The following MCTP1 variants were observed in gnomAD, a reference collection of about 807,000 sequenced individuals.
MCTP1 encodes multiple C2 and transmembrane domain-containing protein 1.
MCTP1 carries 69 observed loss-of-function variants against 120.6 expected under a neutral mutation model. That is an observed-to-expected ratio of 0.57 (90% CI 0.47 to 0.70). MCTP1 has a LOEUF of 0.70. Ranked by LOEUF, MCTP1 falls within the 30% of genes least tolerant of loss-of-function variation. The probability of loss-of-function intolerance (pLI) is 0.00; values close to 1 mark genes in which losing one functional copy is unlikely to be tolerated. For synonymous variants in MCTP1, 529 were observed against 493.1 expected, an observed-to-expected ratio of 1.07 and a Z score of -0.96; for missense variants, 1,203 against 1,248.8, an observed-to-expected ratio of 0.96 and a Z score of 0.55.
intron 1 of MCTP1, among the ~76,000 whole-genome samples, chr5:95,032,853 G>T (rs1014538174): frequency 6.6e-6 from 1 of 151,748 alleles, no homozygotes; most frequent in African/African-American, 2.4e-5. Context: ...GATTAACCAA[G>T]AAAAAAAGAG....
chr5:95,010,668 C>G (rs1390332594), intron 2 of MCTP1, among the ~76,000 whole-genome samples: 1 of 152,166 alleles, frequency 6.6e-6, no homozygotes, highest in African/African-American at 2.4e-5. Flanking sequence ...ATTTTAAACA[C>G]TTCTGGATGT....
rs529826744 is a variant in MCTP1 at position 94,738,755 on chromosome 5, T to A, written c.2611-23869A>T. On this transcript the variant is annotated intron_variant, in intron 19 of 22. Coordinates refer to ENST00000515393, the MANE Select transcript of MCTP1 (RefSeq NM_024717.7). ...TCTGTGGGCTAGCAGATGGCTTCTG[T>A]AATGTGAAAAACACCTTGAGGACGG... Among the ~76,000 whole-genome samples the A allele has an allele frequency of 5.9e-5, 9 of 152,338 alleles. No individual in the cohort carries two copies. The East Asian group carries it at 1.7e-3, about 29-fold the overall frequency.
intron 19 of MCTP1, among the ~76,000 whole-genome samples, chr5:94,744,094 C>T (rs1000339901): frequency 3.9e-5 from 6 of 152,038 alleles, no homozygotes; most frequent in Admixed American, 2.0e-4. Context: ...CCTCAGCTTC[C>T]GGAGTAGCTG....
At chr5:94,834,521 T>C (rs1359405575) in intron 17 of MCTP1, among the ~76,000 whole-genome samples, 2 of 152,222 alleles carry the variant, frequency 1.3e-5, no homozygotes, top group African/African-American at 4.8e-5. Flanking sequence ...GGCTTTGAGA[T>C]ACTAAGACTT....
At chr5:94,839,428 A>G (rs1305686617) in intron 17 of MCTP1, among the ~76,000 whole-genome samples, 49 of 152,172 alleles carry the variant, frequency 3.2e-4, no homozygotes, top group Admixed American at 2.9e-3. Context: ...GGAATACTAA[A>G]AAACTCCAGG....
rs965724277 is a variant in MCTP1, at chr5:94,917,963, C to T, written c.1283G>A (p.Arg428Lys). ...GAAGCCCAGGACAGGAAGAGCTGGC[C>T]TGCCGCACGTCTGGATGGAAATGAA... is the stretch of plus-strand genomic sequence containing the variant. ...VKSLFWRTCG[R>K]PALPVLGFCR... is the part of the protein sequence containing the mutation. Residue 428 changes from arginine to lysine, a missense_variant, in exon 8 of 23, where the codon AGG (arginine) becomes AAG (lysine). Physicochemically the swap from Arg to Lys is conservative, Grantham distance 26. Around this residue, in one of 2 missense-constraint regions of MCTP1, gnomAD observed 740 missense variants for 871.1 expected, o/e 0.85. Coordinates refer to ENST00000515393, the MANE Select transcript of MCTP1 (RefSeq NM_024717.7). The T allele has an allele frequency of 9.9e-6, 16 of 1,613,914 alleles. No individual in the cohort carries two copies. Among genetic ancestry groups the T allele is most frequent in the Non-Finnish European group, 1.4e-5 (16 of 1,179,812 alleles).
intron 2 of MCTP1, among the ~76,000 whole-genome samples, chr5:94,982,913 A>AAAAAAAAAAAAAAAAAT (rs1829747097): frequency 7.0e-6 from 1 of 142,318 alleles, no homozygotes; most frequent in East Asian, 2.1e-4. Flanking sequence ...AAAAAAAAAA[A>AAAAAAAAAAAAAAAAAT]GATGGTCAGG....
chr5:94,984,963 G>A (rs552165190), intron 2 of MCTP1, among the ~76,000 whole-genome samples: 2 of 152,168 alleles, frequency 1.3e-5, no homozygotes, highest in South Asian at 2.1e-4. Flanking sequence ...TTTAATATGA[G>A]TTCTGATGTA....
intron 1 of MCTP1, among the ~76,000 whole-genome samples, chr5:95,185,278 T>C (rs978535919): frequency 6.6e-6 from 1 of 152,216 alleles, no homozygotes; most frequent in Non-Finnish European, 1.5e-5. Context: ...TGAACTTAGA[T>C]GCAGAAATCC....
At position 94,707,510 on chromosome 5, in the gene MCTP1, T is replaced by C; in HGVS notation, c.2986A>G (p.Asn996Asp). The change falls in exon 23 of 23, where the codon AAC becomes GAC. Residue 996 changes from asparagine (N) to aspartate (D), a missense_variant. Transcript: ENST00000515393. ...CTGGGAGCTGGCTAGCCAAGATTGT[T>C]TTTCTTTCTTTTATATGGGCTATGA... is the stretch of plus-strand genomic sequence containing the variant. ...PSHSPYKRKK[N>D]NLG The C allele has an allele frequency of 6.2e-7, 1 of 1,611,774 alleles. No individual in the cohort carries two copies. Among genetic ancestry groups the C allele is most frequent in the Non-Finnish European group, 8.5e-7 (1 of 1,178,408 alleles).
chr5:95,262,910 T>C (rs942094781), intron 1 of MCTP1, among the ~76,000 whole-genome samples: 14 of 152,220 alleles, frequency 9.2e-5, no homozygotes, highest in Non-Finnish European at 1.6e-4. Flanking sequence ...ATATATTTGT[T>C]ATTCAATTTG....
At chr5:95,165,147 T>C (rs938835220) in intron 1 of MCTP1, among the ~76,000 whole-genome samples, 3 of 152,116 alleles carry the variant, frequency 2.0e-5, no homozygotes, top group Non-Finnish European at 4.4e-5. Flanking sequence ...CAGAGACACC[T>C]CTAAATAATG....
At chr5:94,869,443 A>G (rs1797426640) in intron 16 of MCTP1, among the ~76,000 whole-genome samples, 1 of 152,064 alleles carries the variant, frequency 6.6e-6, no homozygotes, top group Admixed American at 6.6e-5. Context: ...TCTATCTCTT[A>G]GTTTTCCTTC....
intron 19 of MCTP1, among the ~76,000 whole-genome samples, chr5:94,751,549 C>T (rs966757640): frequency 1.3e-5 from 2 of 152,082 alleles, no homozygotes; most frequent in Non-Finnish European, 2.9e-5. Flanking sequence ...GCCCTGACCT[C>T]CGGGAAGCTG....
intron 1 of MCTP1, among the ~76,000 whole-genome samples, chr5:95,103,261 G>A (rs150411190): frequency 1.3e-5 from 2 of 152,032 alleles, no homozygotes; most frequent in African/African-American, 2.4e-5. Flanking sequence ...GCTTTGGAAA[G>A]AAGTAAATTC....
intron 17 of MCTP1, among the ~76,000 whole-genome samples, chr5:94,863,257 A>C (rs1796155379): frequency 6.6e-6 from 1 of 151,810 alleles, no homozygotes; most frequent in African/African-American, 2.4e-5. Flanking sequence ...GGTTTTCAGG[A>C]GTACTTCTCT....
At chr5:94,770,859 C>A (rs17391069) in intron 19 of MCTP1, among the ~76,000 whole-genome samples, 5,584 of 152,152 alleles carry the variant, frequency 0.037, 122 homozygotes, top group Middle Eastern at 0.054. Context: ...TTTTGGAGAA[C>A]CCCAGGATTC....
At chr5:95,116,219 A>G (rs1757814122) in intron 1 of MCTP1, among the ~76,000 whole-genome samples, 1 of 152,228 alleles carries the variant, frequency 6.6e-6, no homozygotes, top group Admixed American at 6.5e-5. Context: ...CTGAAGCTAT[A>G]AAACTCATTG....
At chr5:94,901,636 T>G (rs1042590251) in intron 10 of MCTP1, among the ~76,000 whole-genome samples, 1 of 152,088 alleles carries the variant, frequency 6.6e-6, no homozygotes, top group African/African-American at 2.4e-5. Flanking sequence ...ACTATATACA[T>G]TTGAACTATT....
Sources: gnomAD v4.1 joint callset for allele counts (sites outside exome capture counted in the v4.1 genomes callset) on GRCh38, gnomAD v4.1.1 for gene constraint, gnomAD v4.1.1 regional missense constraint, MANE v1.5 for transcripts, NCBI Gene and HGNC (gene_info 2026-07-23, HGNC 2026-07-21) for gene names.